The following PTPRD variants were observed in gnomAD, a reference collection of about 807,000 sequenced individuals.
PTPRD encodes receptor-type tyrosine-protein phosphatase delta.
A neutral mutation model predicts 214.5 loss-of-function variants in PTPRD; 34 were observed. The observed-to-expected ratio is 0.16, with a 90% CI of 0.12 to 0.21. The LOEUF is 0.21. PTPRD is among the 10% of genes least tolerant of loss of function. The pLI is 1.00. For synonymous variants in PTPRD, 1,128 were observed against 845.7 expected, an observed-to-expected ratio of 1.33 and a Z score of -5.79; for missense variants, 2,545 against 2,398.7, an observed-to-expected ratio of 1.06 and a Z score of -1.27.
At chr9:10,148,264 A>T (rs1379264878) in intron 3 of PTPRD, among the ~76,000 whole-genome samples, 1 of 152,194 alleles carries the variant, frequency 6.6e-6, no homozygotes, top group Non-Finnish European at 1.5e-5. Context: ...TCTATTCTTA[A>T]TCTATTTTAC....
intron 44 of PTPRD, among the ~76,000 whole-genome samples, chr9:8,327,860 T>G (rs1490507157): frequency 6.6e-6 from 1 of 152,186 alleles, no homozygotes; most frequent in Non-Finnish European, 1.5e-5. Flanking sequence ...TGCTTTCCAT[T>G]TGCTTGGTAA....
At position 8,504,317 on chromosome 9, in the gene PTPRD, G is replaced by A. The variant is rs2137224235; in HGVS notation, c.1766C>T (p.Ser589Phe). Residue 589 changes from serine to phenylalanine, a missense_variant, in exon 23 of 46, where the codon TCC becomes TTC. Physicochemically the swap from Ser to Phe is radical, Grantham distance 155. Transcript: ENST00000381196. ...SLYYFRLAARSPQGLGASTAE... is the reference protein window; with the variant it reads ...SLYYFRLAARFPQGLGASTAE... ...AGTAGAAGCACCCAGGCCTTGAGGGGAGCGTGCAGCCAGACGGAAATAGTA... is the reference window on the plus strand; with the variant it reads ...AGTAGAAGCACCCAGGCCTTGAGGGAAGCGTGCAGCCAGACGGAAATAGTA... 1 of 1,614,110 alleles carries A rather than the reference G, an allele frequency of 6.2e-7. No homozygotes were observed. Among genetic ancestry groups the A allele is most frequent in the African/African-American group, 1.3e-5 (1 of 75,054 alleles).
At chr9:8,469,886 A>G (rs2096618467) in intron 31 of PTPRD, among the ~76,000 whole-genome samples, 1 of 152,128 alleles carries the variant, frequency 6.6e-6, no homozygotes. Context: ...CACGTCTGCC[A>G]AAGAAAGCTA....
In PTPRD at chr9:10,185,080, A is replaced by G. The variant is rs537524931; in HGVS notation, c.-544-151290T>C. ...CAACATCATGAAAGTGTAAAAATAT[A>G]TATTTAAAAAAAATCTACCAGCTCT... On this transcript the variant is annotated intron_variant, in intron 3 of 45. Coordinates refer to ENST00000381196, the MANE Select transcript of PTPRD (RefSeq NM_002839.4). 7.8e-4 allele frequency among the ~76,000 whole-genome samples: 119 copies of G among 152,356 alleles called. 1 individual carries two copies. Among genetic ancestry groups the G allele is most frequent in the African/African-American group, 2.8e-3 (115 of 41,588 alleles).
At chr9:8,550,746 T>C (rs1029486820) in intron 14 of PTPRD, among the ~76,000 whole-genome samples, 4 of 152,224 alleles carry the variant, frequency 2.6e-5, no homozygotes, top group Admixed American at 6.5e-5. Context: ...AATAGATCCA[T>C]TGGCCCTATA....
At chr9:9,486,917 G>A (rs915941683) in intron 8 of PTPRD, among the ~76,000 whole-genome samples, 2 of 152,014 alleles carry the variant, frequency 1.3e-5, no homozygotes, top group Non-Finnish European at 2.9e-5. Flanking sequence ...CACTTCACCC[G>A]CTCTTATCAC....
chr9:10,134,652 C>T (rs1292023224), intron 3 of PTPRD, among the ~76,000 whole-genome samples: 2 of 151,796 alleles, frequency 1.3e-5, no homozygotes, highest in Non-Finnish European at 2.9e-5. Context: ...TGAAGCTAGT[C>T]GTGTATATTC....
intron 14 of PTPRD, among the ~76,000 whole-genome samples, chr9:8,530,503 C>G (rs2075409093): frequency 6.6e-6 from 1 of 152,078 alleles, no homozygotes; most frequent in South Asian, 2.1e-4. Flanking sequence ...AGCGGCTACT[C>G]AAATCCACTG....
chr9:9,837,941 C>G (rs897175204), intron 5 of PTPRD, among the ~76,000 whole-genome samples: 2 of 152,124 alleles, frequency 1.3e-5, no homozygotes, highest in Non-Finnish European at 2.9e-5. Flanking sequence ...ACAACAGTCC[C>G]CAGAGTATGA....
At chr9:8,558,477 T>C (rs1414278485) in intron 14 of PTPRD, among the ~76,000 whole-genome samples, 1 of 152,126 alleles carries the variant, frequency 6.6e-6, no homozygotes, top group Non-Finnish European at 1.5e-5. Flanking sequence ...GGATTCCCCA[T>C]ATAGCACCTC....
rs61494470 is a variant in PTPRD, at chr9:8,877,160, C to T, written c.-104+141537G>A. On this transcript the variant is annotated intron_variant, in intron 11 of 45. Transcript: ENST00000381196. ...CAGGATGGTCTCCATCTCCTGACCT[C>T]GTGATCCACCAGTCTCAGCCTCCCA... Among the ~76,000 whole-genome samples, 454 of 152,126 alleles carry T rather than the reference C, an allele frequency of 3.0e-3. 19 individuals are homozygous for T. The East Asian group carries it at 0.072, about 24-fold the overall frequency.
intron 3 of PTPRD, among the ~76,000 whole-genome samples, chr9:10,316,172 T>C (rs1005898471): frequency 6.8e-6 from 1 of 146,976 alleles, no homozygotes; most frequent in Non-Finnish European, 1.5e-5. Flanking sequence ...TCTATGTATA[T>C]ATACATAGAT....
intron 2 of PTPRD, among the ~76,000 whole-genome samples, chr9:10,537,544 A>G (rs575639342): frequency 3.3e-5 from 5 of 152,212 alleles, no homozygotes; most frequent in South Asian, 2.1e-4. Flanking sequence ...TATTTACTTC[A>G]ACTCTCTTTC....
intron 14 of PTPRD, among the ~76,000 whole-genome samples, chr9:8,612,107 G>C (rs188412753): frequency 6.6e-6 from 1 of 151,344 alleles, no homozygotes; most frequent in Admixed American, 6.6e-5. Flanking sequence ...CTTGTGAAAA[G>C]AAAAGAAAAC....
intron 4 of PTPRD, among the ~76,000 whole-genome samples, chr9:9,957,463 A>G (rs1426890888): frequency 6.6e-6 from 1 of 152,172 alleles, no homozygotes; most frequent in African/African-American, 2.4e-5. Flanking sequence ...GAGCAAGCAT[A>G]TTTACAAAAA....
At position 9,437,126 on chromosome 9, in the gene PTPRD, C is replaced by T. The variant is rs1361795968; in HGVS notation, c.-236-39644G>A. Among the ~76,000 whole-genome samples, 6 of 152,174 alleles carry T rather than the reference C, an allele frequency of 3.9e-5. No individual in the cohort carries two copies. In the South Asian group the frequency reaches 1.0e-3, roughly 26 times the overall value. ...ATTCACTGGGACACTATATTCAGTG[C>T]ACATTCTGCCTTTATTGGCAGAGGG... On this transcript the variant is annotated intron_variant, in intron 8 of 45. Transcript: ENST00000381196.
intron 11 of PTPRD, among the ~76,000 whole-genome samples, chr9:9,014,436 T>C (rs2099525815): frequency 6.6e-6 from 1 of 152,152 alleles, no homozygotes. Context: ...TGAACTTTTC[T>C]ACATACTAAA....
At chr9:8,901,912 A>G (rs1470878877) in intron 11 of PTPRD, among the ~76,000 whole-genome samples, 1 of 152,236 alleles carries the variant, frequency 6.6e-6, no homozygotes, top group African/African-American at 2.4e-5. Flanking sequence ...AGGAACAAGT[A>G]CCAGCTCTCT....
chr9:9,988,146 A>G (rs1745892061), intron 4 of PTPRD, among the ~76,000 whole-genome samples: 1 of 152,170 alleles, frequency 6.6e-6, no homozygotes, highest in Admixed American at 6.5e-5. Context: ...GCTTGTATTG[A>G]TTATGCAAAC....
Sources: allele counts gnomAD v4.1 joint callset (sites outside exome capture counted in the v4.1 genomes callset), GRCh38; gene constraint gnomAD v4.1.1; transcripts MANE v1.5; gene names NCBI Gene and HGNC (gene_info 2026-07-23, HGNC 2026-07-21).